NUP37: variants seen among roughly 807,000 people sequenced by gnomAD.
NUP37 encodes the protein nucleoporin 37.
NUP37 carries 33 observed loss-of-function variants against 45.4 expected under a neutral mutation model. The observed-to-expected ratio is 0.73, with a 90% CI of 0.55 to 0.97. The LOEUF (loss-of-function observed/expected upper bound fraction) is 0.97, where lower values mean the gene tolerates loss of function less well. NUP37 is among the 50% of genes least tolerant of loss of function. The probability of loss-of-function intolerance (pLI) is 0.00; values close to 1 mark genes in which losing one functional copy is unlikely to be tolerated. For missense variants in NUP37, 365 were observed against 389.7 expected, an observed-to-expected ratio of 0.94 and a Z score of 0.53; for synonymous variants, 127 against 130.7, an observed-to-expected ratio of 0.97 and a Z score of 0.19.
chr12:102,087,932 C>T (rs1213283759), intron 5 of NUP37, among the ~76,000 whole-genome samples: 1 of 152,006 alleles, frequency 6.6e-6, no homozygotes, highest in Non-Finnish European at 1.5e-5. Context: ...AAAGTTTTAC[C>T]TAATTTTTAA....
chr12:102,099,849 G>T (rs989556276), intron 4 of NUP37, among the ~76,000 whole-genome samples: 2 of 152,106 alleles, frequency 1.3e-5, no homozygotes, highest in Non-Finnish European at 2.9e-5. Context: ...AAATAGGCCT[G>T]TCAGATAATT....
Position 102,074,132 on chromosome 12 carries a change from G to A in NUP37, c.*222C>T, listed in dbSNP as rs574025033. The A allele has an allele frequency of 7.3e-6, 2 of 273,294 alleles. No homozygotes were observed. The highest frequency in any genetic ancestry group is 1.3e-4 in the East Asian group (2 of 15,404). 16.9% of individuals were successfully genotyped at this position (273,294 alleles called of 1,614,324 possible). On this transcript the variant is annotated 3_prime_UTR_variant, in exon 10 of 10. Coordinates refer to ENST00000552283, the MANE Select transcript of NUP37 (RefSeq NM_024057.4). ...TGGAGGTGAGCTGCTGAGTCAATATGATTTTGTAAGATTAAAAATATATAT... is the reference window on the plus strand; with the variant it reads ...TGGAGGTGAGCTGCTGAGTCAATATAATTTTGTAAGATTAAAAATATATAT...
chr12:102,105,977 G>C (rs914770141), intron 3 of NUP37, among the ~76,000 whole-genome samples: 6 of 151,752 alleles, frequency 4.0e-5, no homozygotes, highest in Admixed American at 1.3e-4. Flanking sequence ...TTAAATTAAA[G>C]GATACTAAGA....
At chr12:102,111,597 C>T (rs530288561) in intron 3 of NUP37, among the ~76,000 whole-genome samples, 1 of 152,206 alleles carries the variant, frequency 6.6e-6, no homozygotes, top group African/African-American at 2.4e-5. Flanking sequence ...ATATTCTTGC[C>T]CCTGTAAAGA....
chr12:102,089,383 C>T (rs1333693890), intron 5 of NUP37, among the ~76,000 whole-genome samples: 22 of 149,024 alleles, frequency 1.5e-4, no homozygotes, highest in African/African-American at 4.2e-4. Flanking sequence ...CAGAGGCACT[C>T]CTCACATCCC....
At chr12:102,107,459 C>T (rs969395310) in intron 3 of NUP37, among the ~76,000 whole-genome samples, 25 of 152,018 alleles carry the variant, frequency 1.6e-4, no homozygotes, top group Admixed American at 6.6e-4. Flanking sequence ...GAAAAGGAGG[C>T]GAAAGAAAAG....
chr12:102,112,305 G>C (rs1216328678), intron 2 of NUP37, 73 bp from the exon 3 acceptor site: 3 of 1,232,562 alleles, frequency 2.4e-6, no homozygotes, highest in African/African-American at 1.5e-5. Context: ...TCATTATAAT[G>C]AATTTATCAG....
intron 6 of NUP37, among the ~76,000 whole-genome samples, chr12:102,085,073 C>T (rs571057066): frequency 6.6e-6 from 1 of 152,272 alleles, no homozygotes; most frequent in South Asian, 2.1e-4. Flanking sequence ...GTAGGGCTCA[C>T]AAGCGTGGAT....
At chr12:102,118,621 T>G in intron 1 of NUP37, 38 bp from the exon 2 acceptor site, 7 of 999,662 alleles carry the variant, frequency 7.0e-6, no homozygotes, top group Non-Finnish European at 1.0e-5. Context: ...CAATGGTCAA[T>G]ATGTTAGTCA....
chr12:102,116,450 T>C (rs189047260), intron 2 of NUP37, among the ~76,000 whole-genome samples: 18 of 152,324 alleles, frequency 1.2e-4, no homozygotes, highest in South Asian at 6.2e-4. Flanking sequence ...CTTAATCATA[T>C]GACTTTTTAT....
chr12:102,114,115 C>CA (rs1441458439), intron 2 of NUP37, among the ~76,000 whole-genome samples: 1 of 152,172 alleles, frequency 6.6e-6, no homozygotes, highest in Non-Finnish European at 1.5e-5. Flanking sequence ...CCAGATATGC[C>CA]AAGACAGCAG....
intron 3 of NUP37, among the ~76,000 whole-genome samples, chr12:102,103,023 G>C (rs1476098477): frequency 6.7e-6 from 1 of 148,206 alleles, no homozygotes; most frequent in African/African-American, 2.5e-5. Flanking sequence ...ATCAGGTAGT[G>C]TGATGCCTCC....
chr12:102,098,061 T>C (rs916763492), intron 5 of NUP37, among the ~76,000 whole-genome samples: 11 of 152,246 alleles, frequency 7.2e-5, no homozygotes, highest in Admixed American at 6.5e-5. Context: ...GATTTTGGCA[T>C]AGTTTTATGA....
chr12:102,109,839 G>T (rs753626209), intron 3 of NUP37, among the ~76,000 whole-genome samples: 7 of 152,134 alleles, frequency 4.6e-5, no homozygotes, highest in Admixed American at 4.6e-4. Flanking sequence ...GATTAAAGAG[G>T]TATCACAAAA....
chr12:102,082,168 T>C (rs920053530), intron 6 of NUP37, among the ~76,000 whole-genome samples: 2 of 152,110 alleles, frequency 1.3e-5, no homozygotes, highest in African/African-American at 4.8e-5. Flanking sequence ...TTTTTGGAGG[T>C]CTCTTGACTT....
chr12:102,115,278 A>G (rs1880431949), intron 2 of NUP37, among the ~76,000 whole-genome samples: 2 of 152,224 alleles, frequency 1.3e-5, no homozygotes, highest in Admixed American at 1.3e-4. Context: ...GTGCTGTCTG[A>G]TATGGTGGCC....
chr12:102,091,430 CCAAAAAA>C (rs1879651938), intron 5 of NUP37, among the ~76,000 whole-genome samples: 1 of 132,732 alleles, frequency 7.5e-6, no homozygotes, highest in Non-Finnish European at 1.6e-5. Context: ...AAAAAAAAAC[CCAAAAAA>C]CAAAAAAAAC....
rs1347834728 is a variant in NUP37 at position 102,075,012 on chromosome 12, C to G, written c.856G>C (p.Gly286Arg). 1.2e-6 allele frequency: 2 copies of G among 1,606,036 alleles called. No homozygotes were observed. Among genetic ancestry groups the G allele is most frequent in the African/African-American group, 2.7e-5 (2 of 74,336 alleles). ...MASQFQIHHLGHPQPILMGSV... is the reference protein window; with the variant it reads ...MASQFQIHHLRHPQPILMGSV... ...CATTTCCACATTACCTGAGGGTGTCCTAAATGATGAATTTGAAACTGGCTT... is the reference window on the plus strand; with the variant it reads ...CATTTCCACATTACCTGAGGGTGTCGTAAATGATGAATTTGAAACTGGCTT... Residue 286 changes from glycine to arginine, a missense_variant, in exon 9 of 10, where the codon GGA becomes CGA. Gly to Arg is a moderately radical substitution (Grantham distance 125). Coordinates refer to ENST00000552283, the MANE Select transcript of NUP37 (RefSeq NM_024057.4).
intron 9 of NUP37, 32 bp from the exon 10 acceptor site, chr12:102,074,499 A>C (rs756090214): frequency 2.9e-5 from 36 of 1,236,016 alleles, no homozygotes; most frequent in Admixed American, 2.7e-4. Context: ...AAAGAAGCAC[A>C]GTAAGTCCCC....
Sources: gnomAD v4.1 joint callset for allele counts (sites outside exome capture counted in the v4.1 genomes callset) on GRCh38, gnomAD v4.1.1 for gene constraint, MANE v1.5 for transcripts, NCBI Gene and HGNC (gene_info 2026-07-23, HGNC 2026-07-21) for gene names.